The following TMTC2 variants were observed in gnomAD, a reference collection of about 807,000 sequenced individuals.
The protein encoded by TMTC2 is transmembrane O-mannosyltransferase targeting cadherins 2, also known as protein O-mannosyl-transferase TMTC2.
A neutral mutation model predicts 82.4 loss-of-function variants in TMTC2; 43 were observed. That is an observed-to-expected ratio of 0.52 (90% CI 0.41 to 0.67). The LOEUF is 0.67. Ranked by LOEUF, TMTC2 falls within the 30% of genes least tolerant of loss-of-function variation. The pLI is 0.00. For synonymous variants in TMTC2, 408 were observed against 381.9 expected, an observed-to-expected ratio of 1.07 and a Z score of -0.80; for missense variants, 919 against 1,012.4, an observed-to-expected ratio of 0.91 and a Z score of 1.25.
intron 3 of TMTC2, among the ~76,000 whole-genome samples, chr12:82,897,816 C>A (rs1873757336): frequency 6.6e-6 from 1 of 152,260 alleles, no homozygotes; most frequent in African/African-American, 2.4e-5. Context: ...TGAGCCACCA[C>A]ACCTGGCCTA....
At chr12:82,720,390 G>A (rs1874150031) in intron 1 of TMTC2, among the ~76,000 whole-genome samples, 1 of 152,122 alleles carries the variant, frequency 6.6e-6, no homozygotes, top group Non-Finnish European at 1.5e-5. Flanking sequence ...GCATGCATCA[G>A]TAGTTCATAC....
chr12:82,972,401 A>G (rs1057033469), intron 7 of TMTC2, among the ~76,000 whole-genome samples: 1 of 152,138 alleles, frequency 6.6e-6, no homozygotes, highest in Non-Finnish European at 1.5e-5. Context: ...AAATTGAAAA[A>G]ATGTTTTTTC....
At chr12:82,760,747 G>A in intron 1 of TMTC2, 1 of 242,094 alleles carries the variant, frequency 4.1e-6, no homozygotes, top group South Asian at 3.7e-5. Flanking sequence ...TGAGATCAGT[G>A]GTGGCATTAG....
chr12:82,749,269 G>A (rs535195892), intron 1 of TMTC2, among the ~76,000 whole-genome samples: 1 of 152,268 alleles, frequency 6.6e-6, no homozygotes, highest in South Asian at 2.1e-4. Flanking sequence ...AATCACACTG[G>A]CTTCTCCTGA....
intron 3 of TMTC2, among the ~76,000 whole-genome samples, chr12:82,902,215 C>T (rs1436379897): frequency 6.6e-6 from 1 of 151,648 alleles, no homozygotes; most frequent in East Asian, 1.9e-4. Flanking sequence ...CGATGACACT[C>T]TGTTGGGGTC....
intron 1 of TMTC2, among the ~76,000 whole-genome samples, chr12:82,754,463 G>C (rs1876187893): frequency 6.6e-6 from 1 of 152,108 alleles, no homozygotes; most frequent in Admixed American, 6.6e-5. Context: ...GGCCGGGTGT[G>C]TTGGCTCATT....
At position 83,132,200 on chromosome 12, in the gene TMTC2, C is replaced by G; in HGVS notation, c.2332-10C>G. Reference sequence around the variant, plus strand: ...CCTCCTAATTGTTTTCCTTCTTTCTCTTGTTGCAGTATCCGGCTGCTTTGA... The same window carrying G: ...CCTCCTAATTGTTTTCCTTCTTTCTGTTGTTGCAGTATCCGGCTGCTTTGA... On this transcript the variant is annotated splice_polypyrimidine_tract_variant and intron_variant, in intron 11 of 11. Transcript: ENST00000321196. 1 of 1,584,448 alleles carries G rather than the reference C, an allele frequency of 6.3e-7. No homozygotes were observed. The highest frequency in any genetic ancestry group is 8.6e-7 in the Non-Finnish European group (1 of 1,168,474).
intron 11 of TMTC2, among the ~76,000 whole-genome samples, chr12:83,065,123 A>G (rs990454336): frequency 6.6e-6 from 1 of 151,986 alleles, no homozygotes; most frequent in African/African-American, 2.4e-5. Flanking sequence ...ACTACTATAC[A>G]AAGTAAAATA....
At chr12:83,087,605 A>G (rs1883706144) in intron 11 of TMTC2, among the ~76,000 whole-genome samples, 1 of 152,226 alleles carries the variant, frequency 6.6e-6, no homozygotes, top group Non-Finnish European at 1.5e-5. Context: ...TGTTACAGAA[A>G]GGTAAACAAC....
At chr12:83,034,036 A>T (rs1190113273) in intron 9 of TMTC2, among the ~76,000 whole-genome samples, 1 of 151,704 alleles carries the variant, frequency 6.6e-6, no homozygotes, top group Admixed American at 6.6e-5. Context: ...ACAGTTTTAG[A>T]ACTCAAATTC....
chr12:82,989,151 C>G (rs1472829900), intron 8 of TMTC2, among the ~76,000 whole-genome samples: 3 of 151,456 alleles, frequency 2.0e-5, no homozygotes, highest in Non-Finnish European at 4.4e-5. Flanking sequence ...GGTATGATAG[C>G]AACATGATTT....
chr12:82,711,909 A>G (rs1055638239), intron 1 of TMTC2, among the ~76,000 whole-genome samples: 1 of 152,216 alleles, frequency 6.6e-6, no homozygotes, highest in African/African-American at 2.4e-5. Context: ...TATCGAAAAG[A>G]CAGCTCCTCT....
At chr12:82,830,042 G>C (rs1415554529) in intron 1 of TMTC2, among the ~76,000 whole-genome samples, 1 of 152,062 alleles carries the variant, frequency 6.6e-6, no homozygotes, top group Non-Finnish European at 1.5e-5. Flanking sequence ...TTTCCTTTTT[G>C]TCCCAAGAGC....
At chr12:83,034,502 T>C (rs1264339815) in intron 9 of TMTC2, among the ~76,000 whole-genome samples, 1 of 152,110 alleles carries the variant, frequency 6.6e-6, no homozygotes, top group Non-Finnish European at 1.5e-5. Flanking sequence ...GTATTCTGAG[T>C]GTACCGGAAG....
intron 1 of TMTC2, among the ~76,000 whole-genome samples, chr12:82,816,886 GGC>G (rs1164332417): frequency 6.6e-6 from 1 of 151,958 alleles, no homozygotes; most frequent in Non-Finnish European, 1.5e-5. Context: ...AAATAGTTTA[GGC>G]TGAATTGGTG....
intron 4 of TMTC2, among the ~76,000 whole-genome samples, chr12:82,953,873 A>C (rs1306738467): frequency 6.6e-6 from 1 of 151,708 alleles, no homozygotes; most frequent in Non-Finnish European, 1.5e-5. Flanking sequence ...CATAGTCCTT[A>C]TGTGTGTTAA....
In TMTC2 at chr12:82,986,055, C is replaced by A. The variant is rs1340345905; in HGVS notation, c.2070+9C>A. On this transcript the variant is annotated intron_variant, in intron 8 of 11. Transcript: ENST00000321196. ...AGCTGCTAGCTCTAACAGTGAGTAACCGCCTTCCTTGGTCTTTAAAACTTG... is the reference window on the plus strand; with the variant it reads ...AGCTGCTAGCTCTAACAGTGAGTAAACGCCTTCCTTGGTCTTTAAAACTTG... The A allele has an allele frequency of 1.9e-6, 3 of 1,613,760 alleles. No individual in the cohort carries two copies. Among genetic ancestry groups the A allele is most frequent in the East Asian group, 2.2e-5 (1 of 44,870 alleles).
intron 1 of TMTC2, among the ~76,000 whole-genome samples, chr12:82,700,202 CTCTT>C (rs1873003437): frequency 6.6e-6 from 1 of 152,078 alleles, no homozygotes; most frequent in Non-Finnish European, 1.5e-5. Context: ...CCTCTGTTCT[CTCTT>C]ATATAGAATA....
At chr12:83,008,856 G>T (rs1880324556) in intron 8 of TMTC2, among the ~76,000 whole-genome samples, 1 of 152,130 alleles carries the variant, frequency 6.6e-6, no homozygotes, top group Non-Finnish European at 1.5e-5. Context: ...CGTTCTGATT[G>T]TCTCCTCTCT....
Sources: gnomAD v4.1 joint callset for allele counts (sites outside exome capture counted in the v4.1 genomes callset) on GRCh38, gnomAD v4.1.1 for gene constraint, MANE v1.5 for transcripts, NCBI Gene and HGNC (gene_info 2026-07-23, HGNC 2026-07-21) for gene names.